CFAP99: variants seen among roughly 807,000 people sequenced by gnomAD.
CFAP99 encodes cilia and flagella associated protein 99.
In CFAP99, 84 loss-of-function variants were observed where a neutral mutation model predicts 82.7. The ratio of observed to expected loss-of-function variants is 1.02; its 90% CI spans 0.85 to 1.22. The LOEUF (loss-of-function observed/expected upper bound fraction) is 1.22. Among genes scored for constraint, CFAP99 ranks in the 50% most tolerant of loss-of-function variants. CFAP99 has a pLI of 0.00. For missense variants in CFAP99, 1,059 were observed against 983.5 expected (o/e 1.08, Z -1.03); for synonymous variants, 456 against 429.5 (o/e 1.06, Z -0.76).
At chr4:2,440,435 C>G (rs1162881369) in intron 4 of CFAP99, among the ~76,000 whole-genome samples, 1 of 150,144 alleles carries the variant, frequency 6.7e-6, no homozygotes, top group Non-Finnish European at 1.5e-5. Context: ...CGTGAGCCAC[C>G]GCGCCCGGCC....
At chr4:2,449,407 G>A (rs956323714) in intron 6 of CFAP99, among the ~76,000 whole-genome samples, 10 of 151,872 alleles carry the variant, frequency 6.6e-5, no homozygotes, top group African/African-American at 1.9e-4. Context: ...CAGTACTGCC[G>A]GCTCATGTCT....
chr4:2,446,368 G>GTTGTTA lies in CFAP99; in HGVS notation c.642+1062_642+1063insGTTATT, dbSNP rs1262123381. Among the ~76,000 whole-genome samples, 42 of 148,494 alleles carry GTTGTTA rather than the reference G, an allele frequency of 2.8e-4. No individual in the cohort carries two copies. The highest frequency in any genetic ancestry group is 1.6e-3 in the East Asian group (8 of 5,062). On this transcript the variant is annotated intron_variant, in intron 6 of 14. Transcript: ENST00000635017. This position sits in a 1 kb window ranked among gnomAD's most constrained non-coding sequence, Gnocchi z 5.0. ...CTTTTTATTTCATTTTATTATTGTTGTTATTATTATTATTATTATTATTAT... is the reference window on the plus strand; with the variant it reads ...CTTTTTATTTCATTTTATTATTGTTGTTGTTATTATTATTATTATTATTATTATTAT...
chr4:2,455,515 A>G (rs1177566818), intron 11 of CFAP99, among the ~76,000 whole-genome samples: 1 of 152,158 alleles, frequency 6.6e-6, no homozygotes, highest in Middle Eastern at 3.4e-3. Flanking sequence ...TCTACTAAAA[A>G]AACAAACAAA....
At chr4:2,451,289 A>G in exon 10 of CFAP99, 1 of 1,536,062 alleles carries the variant, frequency 6.5e-7, no homozygotes, top group South Asian at 1.2e-5. Context: ...GTCAAGCTGA[A>G]CACCACAGCC....
At chr4:2,421,349 C>A (rs559239939) in intron 1 of CFAP99, among the ~76,000 whole-genome samples, 50 of 91,442 alleles carry the variant, frequency 5.5e-4, no homozygotes, top group African/African-American at 1.8e-3. Context: ...GTCTGCCCAC[C>A]CTTTTTTTTT....
chr4:2,461,302 C>T (rs1734615270), intron 14 of CFAP99, among the ~76,000 whole-genome samples: 1 of 152,188 alleles, frequency 6.6e-6, no homozygotes, highest in South Asian at 2.1e-4. Flanking sequence ...GTAGTAGAGC[C>T]TCGTTCAGAG....
intron 4 of CFAP99, among the ~76,000 whole-genome samples, chr4:2,441,444 G>A (rs1347816894): frequency 6.6e-6 from 1 of 152,030 alleles, no homozygotes; most frequent in African/African-American, 2.4e-5. Flanking sequence ...CAGTGGTGGA[G>A]GTGGCCCTGG....
intron 11 of CFAP99, among the ~76,000 whole-genome samples, chr4:2,454,594 G>GTTTTTTTTTTTTTTTTT (rs1204498727): frequency 8.3e-5 from 7 of 84,536 alleles, no homozygotes; most frequent in East Asian, 4.1e-4. Context: ...TTTTTTTTTT[G>GTTTTTTTTTTTTTTTTT]TTTTTTTTTT....
intron 5 of CFAP99, 93 bp from the exon 6 acceptor site, chr4:2,445,038 T>C (rs1488663047): frequency 1.0e-6 from 1 of 958,290 alleles, no homozygotes. Context: ...GTGGACCCAA[T>C]CGCTGCGGGA....
At chr4:2,447,370 T>C (rs545262228) in intron 6 of CFAP99, among the ~76,000 whole-genome samples, 4 of 144,882 alleles carry the variant, frequency 2.8e-5, no homozygotes, top group Non-Finnish European at 1.5e-5. Context: ...GGATGGATGA[T>C]TGGATGATTG....
At chr4:2,426,466 C>T (rs1000174293) in exon 2 of CFAP99, 3 of 1,525,652 alleles carry the variant, frequency 2.0e-6, no homozygotes, top group Non-Finnish European at 2.6e-6. Flanking sequence ...TAGGCTTCTG[C>T]CCTAAGAAGA....
At chr4:2,440,523 T>G (rs1350307736) in intron 4 of CFAP99, among the ~76,000 whole-genome samples, 2 of 151,796 alleles carry the variant, frequency 1.3e-5, no homozygotes, top group Non-Finnish European at 2.9e-5. Flanking sequence ...AGGCCAAAGC[T>G]GGAAGTTTGC....
Position 2,462,491 on chromosome 4 carries a change from G to C in CFAP99, c.1710G>C (p.Gln570His). The change falls in exon 15 of 15, where the codon CAG becomes CAC. Residue 570 changes from glutamine (Q) to histidine (H), a missense_variant. Coordinates refer to ENST00000635017, the Ensembl canonical transcript of CFAP99. The surrounding 1 kb of genome is among the most constrained non-coding windows in gnomAD (Gnocchi z 4.1). ...CGGCGGCCCCGGCGGCGCCCTCGCA[G>C]GACGAGCGCGTGCAGCAGCTGCGGC... 6.8e-7 allele frequency: 1 copy of C among 1,477,358 alleles called. No homozygotes were observed. Among genetic ancestry groups the C allele is most frequent in the Middle Eastern group, 2.4e-4 (1 of 4,212 alleles). 91.5% of individuals were successfully genotyped at this position (1,477,358 alleles called of 1,614,324 possible).
intron 5 of CFAP99, among the ~76,000 whole-genome samples, chr4:2,444,904 G>C (rs1336317936): frequency 6.6e-6 from 1 of 152,126 alleles, no homozygotes; most frequent in Non-Finnish European, 1.5e-5. Flanking sequence ...CCTATTTCCT[G>C]TATCTGTACA....
At chr4:2,457,306 T>A (rs908940569) in intron 11 of CFAP99, among the ~76,000 whole-genome samples, 5 of 152,248 alleles carry the variant, frequency 3.3e-5, no homozygotes, top group Admixed American at 3.3e-4. Context: ...GCATCTTTTT[T>A]CCACTTGATT....
At chr4:2,441,751 G>C (rs142258447) in intron 4 of CFAP99, among the ~76,000 whole-genome samples, 1 of 152,192 alleles carries the variant, frequency 6.6e-6, no homozygotes, top group Non-Finnish European at 1.5e-5. Flanking sequence ...TTCCTGCCTC[G>C]GGGCTCCAGG....
chr4:2,449,679 A>C, exon 7 of CFAP99: 2 of 1,536,078 alleles, frequency 1.3e-6, no homozygotes, highest in Non-Finnish European at 8.7e-7. Context: ...GGTCCCCCAG[A>C]GCACCTACCA....
rs556461261 is a variant in CFAP99 at position 2,446,185 on chromosome 4, C to T, written c.642+877C>T. ...CTTCCCAGAGAGGCTTTTCATGAAC[C>T]CCTCAAATATGTCAGGTCCTTCACT... On this transcript the variant is annotated intron_variant, in intron 6 of 14. Coordinates refer to ENST00000635017, the Ensembl canonical transcript of CFAP99. The surrounding 1 kb of genome is among the most constrained non-coding windows in gnomAD (Gnocchi z 5.0). 1.3e-5 allele frequency among the ~76,000 whole-genome samples: 2 copies of T among 152,190 alleles called. No individual in the cohort carries two copies. Among genetic ancestry groups the T allele is most frequent in the Admixed American group, 1.3e-4 (2 of 15,276 alleles).
intron 2 of CFAP99, chr4:2,428,155 G>A (rs76429729): frequency 0.019 from 2,867 of 152,534 alleles, 43 homozygotes; most frequent in South Asian, 0.043. Flanking sequence ...CTCTCATCCC[G>A]CCGGCCTGCC....
Sources: allele counts gnomAD v4.1 joint callset (sites outside exome capture counted in the v4.1 genomes callset), GRCh38; gene constraint gnomAD v4.1.1; non-coding constraint Gnocchi (gnomAD v3.1); transcripts MANE v1.5; gene names NCBI Gene and HGNC (gene_info 2026-07-23, HGNC 2026-07-21).